The following PDIA5 variants were observed in gnomAD, a reference collection of about 807,000 sequenced individuals.
PDIA5 encodes protein disulfide-isomerase A5.
Under a neutral mutation model 77.6 loss-of-function variants are expected in PDIA5, and 58 were observed. The ratio of observed to expected loss-of-function variants is 0.75; its 90% CI spans 0.61 to 0.93. PDIA5 has a LOEUF of 0.93. PDIA5 is among the 40% of genes least tolerant of loss of function. PDIA5 has a pLI of 0.00. For synonymous variants in PDIA5, 250 were observed against 252.1 expected (o/e 0.99, Z 0.08); for missense variants, 630 against 647.7 (o/e 0.97, Z 0.30).
chr3:123,117,214 G>C (rs1333995918), intron 8 of PDIA5, among the ~76,000 whole-genome samples: 1 of 151,612 alleles, frequency 6.6e-6, no homozygotes, highest in Non-Finnish European at 1.5e-5. Context: ...TAAATGTACA[G>C]TTCAGTAGCA....
intron 1 of PDIA5, among the ~76,000 whole-genome samples, chr3:123,068,933 A>G (rs1933656422): frequency 6.6e-6 from 1 of 152,198 alleles, no homozygotes; most frequent in Non-Finnish European, 1.5e-5. Context: ...AGGGTTGAAC[A>G]GAGTCTGAAA....
In PDIA5 at chr3:123,119,729, A is replaced by G. The variant is rs968625846; in HGVS notation, c.609+3431A>G. Among the ~76,000 whole-genome samples the G allele has an allele frequency of 2.6e-5, 4 of 152,192 alleles. No individual in the cohort carries two copies. The East Asian group carries it at 5.8e-4, about 22-fold the overall frequency. ...AGGTGGGACTAATAAATGGGCTGCT[A>G]TTCCCCAGAAATCAAAGTTCACCCC... On this transcript the variant is annotated intron_variant, in intron 8 of 16. Transcript: ENST00000316218.
chr3:123,142,359 G>A (rs1935660299), intron 11 of PDIA5, among the ~76,000 whole-genome samples: 1 of 152,222 alleles, frequency 6.6e-6, no homozygotes, highest in Admixed American at 6.5e-5. Flanking sequence ...TTGTTTCTGA[G>A]GGGAAAACAA....
At chr3:123,069,386 T>C (rs1357884148) in intron 1 of PDIA5, among the ~76,000 whole-genome samples, 1 of 152,198 alleles carries the variant, frequency 6.6e-6, no homozygotes, top group African/African-American at 2.4e-5. Flanking sequence ...GGTTAAATGC[T>C]CAATAATAGT....
chr3:123,094,728 G>C (rs1372917788), intron 3 of PDIA5, among the ~76,000 whole-genome samples: 1 of 152,252 alleles, frequency 6.6e-6, no homozygotes, highest in East Asian at 1.9e-4. Context: ...ACGGGGCCAT[G>C]CTACCTTCTT....
chr3:123,079,782 G>A (rs1560496410), intron 1 of PDIA5, among the ~76,000 whole-genome samples: 1 of 152,116 alleles, frequency 6.6e-6, no homozygotes. Flanking sequence ...TGAGGTTTCT[G>A]CCAGCAGTAT....
intron 1 of PDIA5, chr3:123,067,606 T>G: frequency 1.5e-5 from 3 of 201,336 alleles, no homozygotes; most frequent in Non-Finnish European, 1.0e-5. Flanking sequence ...GGGTGCTTAC[T>G]ACCTGCACTG....
chr3:123,146,326 G>T, intron 13 of PDIA5, 67 bp downstream of exon 13: 1 of 1,356,300 alleles, frequency 7.4e-7, no homozygotes, highest in South Asian at 1.3e-5. Context: ...CCACCTTGAG[G>T]AGGTGAAGTA....
chr3:123,081,455 G>T (rs1334137499), intron 1 of PDIA5, among the ~76,000 whole-genome samples: 1 of 152,142 alleles, frequency 6.6e-6, no homozygotes, highest in Admixed American at 6.5e-5. Context: ...TGTTTTCTCA[G>T]GTCTTCCTCT....
chr3:123,098,694 A>G (rs1173028329), intron 3 of PDIA5, among the ~76,000 whole-genome samples: 3 of 147,682 alleles, frequency 2.0e-5, no homozygotes, highest in Non-Finnish European at 4.6e-5. Context: ...TTGATGCCTC[A>G]TTCCTTGGAA....
chr3:123,110,581 G>A (rs1046040853), intron 6 of PDIA5, among the ~76,000 whole-genome samples: 2 of 152,292 alleles, frequency 1.3e-5, no homozygotes, highest in East Asian at 1.9e-4. Context: ...GACAAAAACC[G>A]CTCTTTGCCA....
At chr3:123,122,714 A>G (rs1314465872) in intron 8 of PDIA5, among the ~76,000 whole-genome samples, 1 of 152,206 alleles carries the variant, frequency 6.6e-6, no homozygotes. Context: ...AGTGAGGGTG[A>G]GTGACTTGCC....
chr3:123,151,624 C>A (rs2107987736), intron 14 of PDIA5, among the ~76,000 whole-genome samples: 1 of 152,364 alleles, frequency 6.6e-6, no homozygotes, highest in Admixed American at 6.5e-5. Context: ...AGACATAAGC[C>A]CCCCGCCACC....
At chr3:123,090,215 A>G (rs1043556885) in intron 2 of PDIA5, among the ~76,000 whole-genome samples, 4 of 152,214 alleles carry the variant, frequency 2.6e-5, no homozygotes, top group African/African-American at 9.6e-5. Context: ...TCTGGCACAC[A>G]TGCCCCGAGT....
chr3:123,112,472 G>A (rs968242853), intron 7 of PDIA5, among the ~76,000 whole-genome samples: 3 of 150,804 alleles, frequency 2.0e-5, no homozygotes, highest in Non-Finnish European at 4.4e-5. Context: ...CATTCTGGTG[G>A]TTCTGCCTGA....
At chr3:123,100,734 G>A (rs1934568346) in intron 3 of PDIA5, among the ~76,000 whole-genome samples, 2 of 152,196 alleles carry the variant, frequency 1.3e-5, no homozygotes, top group Admixed American at 1.3e-4. Context: ...CTTAAAATGA[G>A]GTCCTTCGTT....
intron 3 of PDIA5, among the ~76,000 whole-genome samples, chr3:123,102,098 CG>C (rs1433418680): frequency 2.0e-5 from 3 of 151,740 alleles, no homozygotes; most frequent in Admixed American, 1.3e-4. Context: ...TTAGTAGAGA[CG>C]GGGTTTCACC....
chr3:123,108,103 C>T lies in PDIA5; in HGVS notation c.480+1262C>T, dbSNP rs528618336. The stretch of plus-strand genomic sequence containing the variant: ...TGGGCCTCTGTAACTTGCCTATTGA[C>T]TGTACTCTTAATGCTTGTTGGCCCA... On this transcript the variant is annotated intron_variant, in intron 6 of 16. Coordinates refer to ENST00000316218, the MANE Select transcript of PDIA5 (RefSeq NM_006810.4). Among the ~76,000 whole-genome samples the T allele has an allele frequency of 7.2e-5, 11 of 152,178 alleles. No homozygotes were observed. In the South Asian group the frequency reaches 1.5e-3, roughly 20 times the overall value.
At chr3:123,067,922 G>A (rs1933618618) in intron 1 of PDIA5, among the ~76,000 whole-genome samples, 1 of 152,246 alleles carries the variant, frequency 6.6e-6, no homozygotes, top group South Asian at 2.1e-4. Flanking sequence ...GGTCTCAGTG[G>A]AGGAAGCTGT....
Sources: allele counts gnomAD v4.1 joint callset (sites outside exome capture counted in the v4.1 genomes callset), GRCh38; gene constraint gnomAD v4.1.1; transcripts MANE v1.5; gene names NCBI Gene and HGNC (gene_info 2026-07-23, HGNC 2026-07-21).